The following NXPH3 variants were observed in gnomAD, a reference collection of about 807,000 sequenced individuals.
NXPH3 encodes neurexophilin-3.
Under a neutral mutation model 18.8 loss-of-function variants are expected in NXPH3, and 7 were observed. That is an observed-to-expected ratio of 0.37 (90% CI 0.21 to 0.70). NXPH3 has a LOEUF of 0.70. Ranked by LOEUF, NXPH3 falls within the 30% of genes least tolerant of loss-of-function variation. NXPH3 has a pLI of 0.53. For synonymous variants in NXPH3, 101 were observed against 137.3 expected (o/e 0.74, Z 1.85); for missense variants, 282 against 338.1 (o/e 0.83, Z 1.30).
Position 49,583,177 on chromosome 17 carries a change from T to C in NXPH3, c.*3877T>C, listed in dbSNP as rs1240450225. The C allele has an allele frequency of 1.3e-5, 2 of 152,186 alleles. No individual in the cohort carries two copies. The highest frequency in any genetic ancestry group is 2.4e-5 in the African/African-American group (1 of 41,326). 9.4% of individuals were successfully genotyped at this position (152,186 alleles called of 1,614,324 possible). A position where few individuals can be genotyped will look rare whatever the true frequency, so the allele number is the denominator to read the frequency against. ...ATCGAGTGAGTATGTGCAGGAGGGA[T>C]TGTAGAGACACAATGAAACAGTTGC... On this transcript the variant is annotated 3_prime_UTR_variant, in exon 2 of 2. Coordinates refer to ENST00000328741, the MANE Select transcript of NXPH3 (RefSeq NM_007225.4).
chr17:49,578,520 CAG>C lies in NXPH3; in HGVS notation c.55-75_55-74del. On this transcript the variant is annotated intron_variant, in intron 1 of 1. Transcript: ENST00000328741. The surrounding 1 kb of genome is among the most constrained non-coding windows in gnomAD (Gnocchi z 4.5). Reference sequence around the variant, plus strand: ...CCAGGTCAGAGTGAAGTGGCAGGGACAGGGGTACTGCTGGTAGCGGGGGTGGT... The same window carrying C: ...CCAGGTCAGAGTGAAGTGGCAGGGACGGGTACTGCTGGTAGCGGGGGTGGT... The C allele has an allele frequency of 8.4e-7, 1 of 1,189,450 alleles. No individual in the cohort carries two copies. The highest frequency in any genetic ancestry group is 1.2e-6 in the Non-Finnish European group (1 of 849,030). 73.7% of individuals were successfully genotyped at this position (1,189,450 alleles called of 1,614,324 possible).
chr17:49,578,581 C>T lies in NXPH3; in HGVS notation c.55-15C>T, dbSNP rs374366194. 5.2e-6 allele frequency: 8 copies of T among 1,532,464 alleles called. No homozygotes were observed. The highest frequency in any genetic ancestry group is 6.1e-6 in the Non-Finnish European group (7 of 1,141,918). The allele number at this position is 1,532,464 out of a possible 1,614,324, so 94.9% of individuals were successfully genotyped here. On this transcript the variant is annotated splice_polypyrimidine_tract_variant and intron_variant, in intron 1 of 1. Coordinates refer to ENST00000328741, the MANE Select transcript of NXPH3 (RefSeq NM_007225.4). The surrounding 1 kb of genome is among the most constrained non-coding windows in gnomAD (Gnocchi z 4.5). ...AGGGACAGGGCTCTCACTGTACTCA[C>T]AACTCCCTCCATAGGTCATCTGTGG...
At position 49,578,705 on chromosome 17, in the gene NXPH3, C is replaced by G. The variant is rs373145964; in HGVS notation, c.164C>G (p.Pro55Arg). The G allele has an allele frequency of 6.2e-7, 1 of 1,613,162 alleles. No individual in the cohort carries two copies. The highest frequency in any genetic ancestry group is 8.5e-7 in the Non-Finnish European group (1 of 1,179,968). Residue 55 changes from proline (P) to arginine (R), a missense_variant, in exon 2 of 2, where the codon CCT becomes CGT. Transcript: ENST00000328741. This position sits in a 1 kb window ranked among gnomAD's most constrained non-coding sequence, Gnocchi z 4.5. ...RVPRKRGHIS[P>R]KSRPMANSTL... Reference sequence around the variant, plus strand: ...CCTCGGAAGCGGGGCCACATCTCACCTAAGTCCCGCCCCATGGCCAATTCC... The same window carrying G: ...CCTCGGAAGCGGGGCCACATCTCACGTAAGTCCCGCCCCATGGCCAATTCC...
At position 49,579,542 on chromosome 17, in the gene NXPH3, C is replaced by A. The variant is rs567812818; in HGVS notation, c.*242C>A. ...AGGAGCACTGGAGGAGGAGTGGGCT[C>A]TCTGTGCAGCCTCACAGGGCTTTGC... is the stretch of plus-strand genomic sequence containing the variant. On this transcript the variant is annotated 3_prime_UTR_variant, in exon 2 of 2. Transcript: ENST00000328741. This position sits in a 1 kb window ranked among gnomAD's most constrained non-coding sequence, Gnocchi z 6.0. The A allele has an allele frequency of 1.8e-6, 1 of 547,628 alleles. No homozygotes were observed. The highest frequency in any genetic ancestry group is 3.2e-5 in the Admixed American group (1 of 31,284). 33.9% of individuals were successfully genotyped at this position (547,628 alleles called of 1,614,324 possible).
chr17:49,579,421 A>G lies in NXPH3; in HGVS notation c.*121A>G, dbSNP rs970605624. ...TCAGGCAGGGAGGGGGGTGGAGACG[A>G]GGAGATGCCAAGTGGGGCCAGGGCC... On this transcript the variant is annotated 3_prime_UTR_variant, in exon 2 of 2. Coordinates refer to ENST00000328741, the MANE Select transcript of NXPH3 (RefSeq NM_007225.4). This position sits in a 1 kb window ranked among gnomAD's most constrained non-coding sequence, Gnocchi z 6.0. 3 of 844,804 alleles carry G rather than the reference A, an allele frequency of 3.6e-6. No homozygotes were observed. Among genetic ancestry groups the G allele is most frequent in the Non-Finnish European group, 5.4e-6 (3 of 553,282 alleles). 52.3% of individuals were successfully genotyped at this position (844,804 alleles called of 1,614,324 possible). A position where few individuals can be genotyped will look rare whatever the true frequency, so the allele number is the denominator to read the frequency against.
At position 49,575,972 on chromosome 17, in the gene NXPH3, C is replaced by G. The variant is rs1331381868; in HGVS notation, c.-248C>G. 2.6e-5 allele frequency: 12 copies of G among 469,440 alleles called. No individual in the cohort carries two copies. The highest frequency in any genetic ancestry group is 4.1e-5 in the Non-Finnish European group (11 of 269,746). 29.1% of individuals were successfully genotyped at this position (469,440 alleles called of 1,614,324 possible). A position where few individuals can be genotyped will look rare whatever the true frequency, so the allele number is the denominator to read the frequency against. ...CGCAGCTGGGGCCCTTCGAGGCGCTCGGGGCGCACATCTGGGACCTCGAGC... is the reference window on the plus strand; with the variant it reads ...CGCAGCTGGGGCCCTTCGAGGCGCTGGGGGCGCACATCTGGGACCTCGAGC... On this transcript the variant is annotated 5_prime_UTR_variant, in exon 1 of 2. Transcript: ENST00000328741. This position sits in a 1 kb window ranked among gnomAD's most constrained non-coding sequence, Gnocchi z 4.3.
Position 49,582,797 on chromosome 17 carries a change from A to G in NXPH3, c.*3497A>G, listed in dbSNP as rs1336491335. 1 of 152,198 alleles carries G rather than the reference A, an allele frequency of 6.6e-6. No homozygotes were observed. The highest frequency in any genetic ancestry group is 1.5e-5 in the Non-Finnish European group (1 of 68,020). 9.4% of individuals were successfully genotyped at this position (152,198 alleles called of 1,614,324 possible). ...TCTGGGTCTCAGCATTCCTTTCTCA[A>G]GTAGGGTGAATCTCCTAGCACTCTG... On this transcript the variant is annotated 3_prime_UTR_variant, in exon 2 of 2. Transcript: ENST00000328741.
In NXPH3 at chr17:49,575,927, C is replaced by G; in HGVS notation, c.-293C>G. On this transcript the variant is annotated 5_prime_UTR_variant, in exon 1 of 2. The change creates a new upstream start codon in the 5' untranslated region. Transcript: ENST00000328741. This position sits in a 1 kb window ranked among gnomAD's most constrained non-coding sequence, Gnocchi z 4.3. Reference sequence around the variant, plus strand: ...GCCGAGGGGGGCGCCGAGCGCAGATCTGGAGCAGCAGAGCCACGGCGCAGC... The same window carrying G: ...GCCGAGGGGGGCGCCGAGCGCAGATGTGGAGCAGCAGAGCCACGGCGCAGC... The G allele has an allele frequency of 2.7e-6, 1 of 376,896 alleles. No homozygotes were observed. The highest frequency in any genetic ancestry group is 4.7e-6 in the Non-Finnish European group (1 of 212,230). 23.3% of individuals were successfully genotyped at this position (376,896 alleles called of 1,614,324 possible). A position where few individuals can be genotyped will look rare whatever the true frequency, so the allele number is the denominator to read the frequency against.
chr17:49,578,038 GCAGGGGCTGGCCTCTCCTGTCAAAC>G lies in NXPH3; in HGVS notation c.55-549_55-525del, dbSNP rs2143038104. 1 of 152,966 alleles carries G rather than the reference GCAGGGGCTGGCCTCTCCTGTCAAAC, an allele frequency of 6.5e-6. No homozygotes were observed. Among genetic ancestry groups the G allele is most frequent in the African/African-American group, 2.4e-5 (1 of 41,558 alleles). 9.5% of individuals were successfully genotyped at this position (152,966 alleles called of 1,614,324 possible). A position where few individuals can be genotyped will look rare whatever the true frequency, so the allele number is the denominator to read the frequency against. The stretch of plus-strand genomic sequence containing the variant: ...CCAACAGACTAGGAAGTCCCAAAAG[GCAGGGGCTGGCCTCTCCTGTCAAAC>G]CAGGGGCTCTCCCAGGATAAGAATG... On this transcript the variant is annotated intron_variant, in intron 1 of 1. Coordinates refer to ENST00000328741, the MANE Select transcript of NXPH3 (RefSeq NM_007225.4). This position sits in a 1 kb window ranked among gnomAD's most constrained non-coding sequence, Gnocchi z 4.5.
Position 49,580,467 on chromosome 17 carries a change from A to G in NXPH3, c.*1167A>G, listed in dbSNP as rs1326482305. 6.6e-6 allele frequency: 1 copy of G among 152,138 alleles called. No homozygotes were observed. Among genetic ancestry groups the G allele is most frequent in the Non-Finnish European group, 1.5e-5 (1 of 68,036 alleles). 9.4% of individuals were successfully genotyped at this position (152,138 alleles called of 1,614,324 possible). On this transcript the variant is annotated 3_prime_UTR_variant, in exon 2 of 2. Coordinates refer to ENST00000328741, the MANE Select transcript of NXPH3 (RefSeq NM_007225.4). Reference sequence around the variant, plus strand: ...TTGAGACCCAAGTGGCAGGGATCCAACCGCCCTTGGCGCTGATGTTTGCTG... The same window carrying G: ...TTGAGACCCAAGTGGCAGGGATCCAGCCGCCCTTGGCGCTGATGTTTGCTG...
Position 49,580,338 on chromosome 17 carries a change from A to G in NXPH3, c.*1038A>G, listed in dbSNP as rs1433118530. The G allele has an allele frequency of 6.6e-6, 1 of 152,308 alleles. No individual in the cohort carries two copies. Among genetic ancestry groups the G allele is most frequent in the Non-Finnish European group, 1.5e-5 (1 of 68,094 alleles). 9.4% of individuals were successfully genotyped at this position (152,308 alleles called of 1,614,324 possible). On this transcript the variant is annotated 3_prime_UTR_variant, in exon 2 of 2. Transcript: ENST00000328741. ...GAAGAATCGTGTTCTTGGAGCAGGA[A>G]ATAAAGCTTGCCCCGGGGCACTGGA...
At position 49,578,527 on chromosome 17, in the gene NXPH3, A is replaced by C; in HGVS notation, c.55-69A>C. On this transcript the variant is annotated intron_variant, in intron 1 of 1. Coordinates refer to ENST00000328741, the MANE Select transcript of NXPH3 (RefSeq NM_007225.4). The surrounding 1 kb of genome is among the most constrained non-coding windows in gnomAD (Gnocchi z 4.5). ...AGAGTGAAGTGGCAGGGACAGGGGT[A>C]CTGCTGGTAGCGGGGGTGGTGGACC... is the stretch of plus-strand genomic sequence containing the variant. 1.6e-6 allele frequency: 2 copies of C among 1,240,332 alleles called. No homozygotes were observed. Among genetic ancestry groups the C allele is most frequent in the Non-Finnish European group, 2.2e-6 (2 of 893,568 alleles). 76.8% of individuals were successfully genotyped at this position (1,240,332 alleles called of 1,614,324 possible).
chr17:49,576,836 C>T (rs2071573962), intron 1 of NXPH3, among the ~76,000 whole-genome samples: 1 of 151,646 alleles, frequency 6.6e-6, no homozygotes, highest in Admixed American at 6.6e-5. Flanking sequence ...GCAGGCGGCT[C>T]CCGCCCCAGG....
intron 1 of NXPH3, chr17:49,577,763 T>C (rs1281464042): frequency 1.3e-5 from 2 of 152,226 alleles, no homozygotes; most frequent in African/African-American, 4.8e-5. Context: ...GAATAAGAAC[T>C]CCTACCTCAG....
chr17:49,581,804 G>A lies in NXPH3; in HGVS notation c.*2504G>A. On this transcript the variant is annotated 3_prime_UTR_variant, in exon 2 of 2. Transcript: ENST00000328741. ...GGCTGAACTCTCAGCAGGCACTGGG[G>A]GCACTTTGACCCCCCTCCTGCTCCT... is the stretch of plus-strand genomic sequence containing the variant. 1.4e-6 allele frequency: 1 copy of A among 701,840 alleles called. No individual in the cohort carries two copies. Among genetic ancestry groups the A allele is most frequent in the South Asian group, 1.5e-5 (1 of 67,478 alleles). 43.5% of individuals were successfully genotyped at this position (701,840 alleles called of 1,614,324 possible).
intron 1 of NXPH3, among the ~76,000 whole-genome samples, chr17:49,576,720 C>T (rs1297478916): frequency 6.6e-6 from 1 of 151,596 alleles, no homozygotes; most frequent in Non-Finnish European, 1.5e-5. Context: ...CGGGGGGCGG[C>T]CCCCGCGTCC....
In NXPH3 at chr17:49,578,931, C is replaced by T; in HGVS notation, c.390C>T (p.Phe130=). 6.2e-7 allele frequency: 1 copy of T among 1,614,202 alleles called. No homozygotes were observed. The highest frequency in any genetic ancestry group is 8.5e-7 in the Non-Finnish European group (1 of 1,180,040). ...GKIVDHGNGT[F]SVHFQHNATG... is the part of the protein sequence containing the mutation. ...TTGTGGACCATGGCAATGGGACCTT[C>T]AGCGTCCACTTCCAACACAATGCCA... Residue 130 remains phenylalanine (F), a synonymous_variant, in exon 2 of 2, where the codon TTC becomes TTT. Coordinates refer to ENST00000328741, the MANE Select transcript of NXPH3 (RefSeq NM_007225.4). This position sits in a 1 kb window ranked among gnomAD's most constrained non-coding sequence, Gnocchi z 4.5.
In NXPH3 at chr17:49,578,677, G is replaced by A; in HGVS notation, c.136G>A (p.Val46Met). 6.2e-7 allele frequency: 1 copy of A among 1,612,414 alleles called. No homozygotes were observed. The highest frequency in any genetic ancestry group is 8.5e-7 in the Non-Finnish European group (1 of 1,179,604). Residue 46 changes from valine (V) to methionine (M), a missense_variant, in exon 2 of 2, where the codon GTG becomes ATG. Val to Met is a conservative substitution (Grantham distance 21). Transcript: ENST00000328741. The surrounding 1 kb of genome is among the most constrained non-coding windows in gnomAD (Gnocchi z 4.5). ...CCACGAGGGCCAGCCCCGGCCCCGG[G>A]TGCCTCGGAAGCGGGGCCACATCTC... ...DDHEGQPRPRVPRKRGHISPK... is the reference protein window; with the variant it reads ...DDHEGQPRPRMPRKRGHISPK...
In NXPH3 at chr17:49,578,133, G is replaced by A. The variant is rs376210807; in HGVS notation, c.55-463G>A. ...GGGGCTGTTTCAGAGCAGAGATTAT[G>A]CCTCCCCCATCAGCCTGGGGATTTC... is the stretch of plus-strand genomic sequence containing the variant. On this transcript the variant is annotated intron_variant, in intron 1 of 1. Transcript: ENST00000328741. The surrounding 1 kb of genome is among the most constrained non-coding windows in gnomAD (Gnocchi z 4.5). Among the ~76,000 whole-genome samples the A allele has an allele frequency of 6.6e-6, 1 of 152,134 alleles. No homozygotes were observed. Among genetic ancestry groups the A allele is most frequent in the East Asian group, 1.9e-4 (1 of 5,190 alleles).
Sources: allele counts gnomAD v4.1 joint callset (sites outside exome capture counted in the v4.1 genomes callset), GRCh38; gene constraint gnomAD v4.1.1; non-coding constraint Gnocchi (gnomAD v3.1); transcripts MANE v1.5; gene names NCBI Gene and HGNC (gene_info 2026-07-23, HGNC 2026-07-21).